The following BPIFB6 variants were observed in gnomAD, a reference collection of about 807,000 sequenced individuals.
BPIFB6 encodes BPI fold-containing family B member 6.
Under a neutral mutation model 54.7 loss-of-function variants are expected in BPIFB6, and 47 were observed. That is an observed-to-expected ratio of 0.86 (90% confidence interval 0.68 to 1.10). The LOEUF is 1.10. Ranked by LOEUF, BPIFB6 falls within the 50% of genes least tolerant of loss-of-function variation. The pLI is 0.00. For synonymous variants in BPIFB6, 255 were observed against 225.9 expected, an observed-to-expected ratio of 1.13 and a Z score of -1.16; for missense variants, 603 against 564.1, an observed-to-expected ratio of 1.07 and a Z score of -0.70.
rs745691605 is a variant in BPIFB6, at chr20:33,043,303, T to G, written c.1265T>G (p.Val422Gly). ...CTGTATTTCTCAGATGTGCTTCAAG[T>G]GGGGCTCCCACTCCCGGACTTTCTG... The part of the protein sequence containing the change: ...YIPVVNDVLQ[V>G]GLPLPDFLAM... Residue 422 changes from valine (V) to glycine (G), a missense_variant, in exon 14 of 15, where the codon GTG becomes GGG. Coordinates refer to ENST00000349552, the MANE Select transcript of BPIFB6 (RefSeq NM_174897.2). The G allele has an allele frequency of 3.1e-6, 5 of 1,614,110 alleles. No individual in the cohort carries two copies. The South Asian group carries it at 5.5e-5, about 18-fold the overall frequency.
chr20:33,035,578 G>T (rs1222718902), intron 5 of BPIFB6, 34 bp from the exon 6 acceptor site: 1 of 1,611,248 alleles, frequency 6.2e-7, no homozygotes, highest in East Asian at 2.2e-5. Context: ...TCCATGCAGG[G>T]ACCCTCTCAG....
intron 1 of BPIFB6, among the ~76,000 whole-genome samples, chr20:33,032,038 G>A (rs562436160): frequency 4.6e-5 from 7 of 152,164 alleles, no homozygotes; most frequent in Non-Finnish European, 8.8e-5. Context: ...GTGGGCTGTG[G>A]GAGTGACAGA....
chr20:33,037,489 T>A (rs1979391394), intron 7 of BPIFB6, 73 bp from the exon 8 acceptor site: 1 of 1,458,076 alleles, frequency 6.9e-7, no homozygotes, highest in African/African-American at 1.4e-5. Flanking sequence ...CCCATTTGCT[T>A]GGAGGACTGA....
rs150580944 is a variant in BPIFB6 at position 33,038,948 on chromosome 20, C to T, written c.886C>T (p.Arg296Cys). The stretch of plus-strand genomic sequence containing the variant: ...CCCACAAACCACCAAGACCCTGGCT[C>T]GCTTCATTCCTGAAGTGAGTGCCCC... ...LPPQTTKTLA[R>C]FIPEVAVAYP... The change falls in exon 9 of 15, where the codon CGC (arginine) becomes TGC (cysteine). Residue 296 changes from arginine (R) to cysteine (C), a missense_variant. Arg to Cys is a radical substitution (Grantham distance 180, BLOSUM62 -3). Coordinates refer to ENST00000349552, the MANE Select transcript of BPIFB6 (RefSeq NM_174897.2). The T allele has an allele frequency of 4.3e-4, 686 of 1,614,040 alleles. 2 individuals carry two copies. The Middle Eastern group carries it at 5.9e-3, about 14-fold the overall frequency.
rs139030255 is a variant in BPIFB6, at chr20:33,032,368, G to T, written c.98-616G>T. 1.9e-3 allele frequency among the ~76,000 whole-genome samples: 293 copies of T among 152,196 alleles called. 1 individual carries two copies. The highest frequency in any genetic ancestry group is 6.6e-3 in the African/African-American group (272 of 41,518). On this transcript the variant is annotated intron_variant, in intron 1 of 14. Transcript: ENST00000349552. ...ACCATAATGGAGGTGTTTCTGGCGG[G>T]GTGTTACTTGGGGTTGGGTCCTCCA...
chr20:33,033,195 C>A (rs1287772422), intron 2 of BPIFB6, 112 bp downstream of exon 2: 5 of 810,994 alleles, frequency 6.2e-6, no homozygotes, highest in Non-Finnish European at 1.1e-5. Context: ...GATGTGGGGT[C>A]TCTTCCCTGC....
rs17373408 is a variant in BPIFB6 at position 33,036,494 on chromosome 20, C to T, written c.627C>T (p.Ser209=). ...GCACCGTCAAATATGTTCTGATGTC[C>T]GCACCAGCCACCACAGCCAGCTACA... The part of the protein sequence containing the change: ...QMGTVKYVLM[S]APATTASYIQ... Residue 209 remains serine, a synonymous_variant, in exon 7 of 15, where the codon TCC becomes TCT. Transcript: ENST00000349552. The T allele has an allele frequency of 0.13, 204,853 of 1,613,904 alleles. 14,105 individuals carry two copies. The highest frequency in any genetic ancestry group is 0.14 in the Non-Finnish European group (169,301 of 1,179,810).
At chr20:33,043,926 C>T (rs868513486) in intron 14 of BPIFB6, 89 bp from the exon 15 acceptor site, 1 of 1,519,620 alleles carries the variant, frequency 6.6e-7, no homozygotes, top group Non-Finnish European at 9.1e-7. Context: ...CACTGGTTTC[C>T]ATTTCCTGAC....
At chr20:33,036,632 T>A in intron 7 of BPIFB6, 96 bp downstream of exon 7, 2 of 1,200,044 alleles carry the variant, frequency 1.7e-6, no homozygotes, top group Non-Finnish European at 2.5e-6. Context: ...GGACTAGGGC[T>A]GTGGAGGGAG....
chr20:33,043,967 C>T, intron 14 of BPIFB6, 48 bp from the exon 15 acceptor site: 1 of 1,610,196 alleles, frequency 6.2e-7, no homozygotes, highest in Non-Finnish European at 8.5e-7. Context: ...ATCCCTGGGC[C>T]TAGGTGGTCC....
intron 6 of BPIFB6, among the ~76,000 whole-genome samples, chr20:33,036,011 T>C (rs1051513102): frequency 6.6e-6 from 1 of 152,144 alleles, no homozygotes; most frequent in Non-Finnish European, 1.5e-5. Context: ...GGGGATATAC[T>C]GCCTCCATCA....
At chr20:33,041,708 A>T (rs1380423852) in intron 11 of BPIFB6, among the ~76,000 whole-genome samples, 1 of 152,130 alleles carries the variant, frequency 6.6e-6, no homozygotes, top group Non-Finnish European at 1.5e-5. Context: ...ATAGACACAA[A>T]TGGGGGTCCC....
At chr20:33,032,846 G>C in intron 1 of BPIFB6, 138 bp from the exon 2 acceptor site, 1 of 644,842 alleles carries the variant, frequency 1.6e-6, no homozygotes, top group South Asian at 1.8e-5. Context: ...TCCCCCATTA[G>C]GCTGGGGCGC....
intron 8 of BPIFB6, among the ~76,000 whole-genome samples, chr20:33,038,609 C>T (rs1017045941): frequency 6.6e-6 from 1 of 152,188 alleles, no homozygotes; most frequent in African/African-American, 2.4e-5. Flanking sequence ...TATTCATCTC[C>T]AAATATGTCT....
chr20:33,031,767 C>A, intron 1 of BPIFB6, 23 bp downstream of exon 1: 1 of 1,609,392 alleles, frequency 6.2e-7, no homozygotes, highest in Non-Finnish European at 8.5e-7. Context: ...TGGGCCCGGG[C>A]GTGCAGCTGG....
intron 14 of BPIFB6, 104 bp downstream of exon 14, chr20:33,043,471 G>T: frequency 9.3e-7 from 1 of 1,080,402 alleles, no homozygotes; most frequent in South Asian, 1.3e-5. Context: ...GAGCCTGGGA[G>T]GGCAGGTGGC....
Position 33,037,272 on chromosome 20 carries a change from C to T in BPIFB6, c.670-290C>T, listed in dbSNP as rs186631055. Among the ~76,000 whole-genome samples, 338 of 152,274 alleles carry T rather than the reference C, an allele frequency of 2.2e-3. 4 individuals are homozygous for T. The highest frequency in any genetic ancestry group is 3.4e-3 in the Non-Finnish European group (228 of 68,016). On this transcript the variant is annotated intron_variant, in intron 7 of 14. Coordinates refer to ENST00000349552, the MANE Select transcript of BPIFB6 (RefSeq NM_174897.2). ...TGAGAACAAGGCAGAAATCATGTTC[C>T]GAATAAATGAAGCCTCCAACCACTC...
At position 33,037,573 on chromosome 20, in the gene BPIFB6, G is replaced by C. The variant is rs375944385; in HGVS notation, c.681G>C (p.Gln227His). ...CTGCTGCCCCATAGCCTGTGGTGCA[G>C]CAGCAAAAGGGCAAAACCATCAAGC... ...YIQLDFSPVV[Q>H]QQKGKTIKLA... The change falls in exon 8 of 15, where the codon CAG becomes CAC. Residue 227 changes from glutamine (Q) to histidine (H), a missense_variant. By Grantham distance (24) the Gln-to-His change is conservative (BLOSUM62 0). Transcript: ENST00000349552. The C allele has an allele frequency of 5.0e-6, 8 of 1,611,224 alleles. No homozygotes were observed. The African/African-American group carries it at 1.1e-4, about 22-fold the overall frequency.
intron 12 of BPIFB6, 136 bp downstream of exon 12, chr20:33,042,151 G>T: frequency 1.2e-6 from 1 of 821,700 alleles, no homozygotes; most frequent in South Asian, 1.6e-5. Context: ...TGGCGCACCT[G>T]ACTTGCCGTG....
Sources: allele counts gnomAD v4.1 joint callset (sites outside exome capture counted in the v4.1 genomes callset), GRCh38; gene constraint gnomAD v4.1.1; transcripts MANE v1.5; gene names NCBI Gene and HGNC (gene_info 2026-07-23, HGNC 2026-07-21).